Variants in CEP20 observed in about 807,000 individuals in gnomAD.
CEP20 encodes the protein centrosomal protein 20.
A neutral mutation model predicts 20.0 loss-of-function variants in CEP20; 18 were observed. The observed-to-expected ratio is 0.90, with a 90% CI of 0.62 to 1.34. The LOEUF is 1.34. CEP20 is among the 40% of genes most tolerant of loss of function. The pLI is 0.00. For synonymous variants in CEP20, 77 were observed against 73.7 expected (o/e 1.04, Z -0.23); for missense variants, 215 against 201.6 (o/e 1.07, Z -0.40).
intron 2 of CEP20, among the ~76,000 whole-genome samples, chr16:15,882,739 C>A (rs1296814747): frequency 3.3e-5 from 3 of 91,574 alleles, no homozygotes; most frequent in Admixed American, 1.0e-4. Flanking sequence ...TTATATCTAT[C>A]TATCTATCTA....
intron 4 of CEP20, among the ~76,000 whole-genome samples, chr16:15,871,372 T>C (rs35677202): frequency 0.2 from 29,702 of 150,726 alleles, 3,576 homozygotes; most frequent in East Asian, 0.4. Flanking sequence ...GGGAGAAGAA[T>C]TGAGGAGTTA....
chr16:15,873,642 A>C lies in CEP20; in HGVS notation c.312-15T>G. 6.3e-7 allele frequency: 1 copy of C among 1,594,032 alleles called. No individual in the cohort carries two copies. Among genetic ancestry groups the C allele is most frequent in the Non-Finnish European group, 8.5e-7 (1 of 1,169,822 alleles). On this transcript the variant is annotated splice_polypyrimidine_tract_variant and intron_variant, in intron 3 of 4. Transcript: ENST00000255759. ...ATAAAAGAGGTCTATAGCAGGAAGA[A>C]AACAAAACAAAACCAAAAGCTAATA...
chr16:15,867,378 C>A lies in CEP20; in HGVS notation c.*62G>T. The A allele has an allele frequency of 7.7e-7, 1 of 1,299,642 alleles. No individual in the cohort carries two copies. The highest frequency in any genetic ancestry group is 2.6e-5 in the East Asian group (1 of 38,584). 80.5% of individuals were successfully genotyped at this position (1,299,642 alleles called of 1,614,324 possible). On this transcript the variant is annotated 3_prime_UTR_variant, in exon 5 of 5. Transcript: ENST00000255759. Reference sequence around the variant, plus strand: ...GTGGTGCATTTTGGTAACATTGGGACAATAAATAAGTTATTTAATTAATAA... The same window carrying A: ...GTGGTGCATTTTGGTAACATTGGGAAAATAAATAAGTTATTTAATTAATAA...
At chr16:15,879,150 G>T (rs7184519) in intron 3 of CEP20, among the ~76,000 whole-genome samples, 10,476 of 152,058 alleles carry the variant, frequency 0.069, 480 homozygotes, top group East Asian at 0.22. Context: ...GTACACAGAG[G>T]GCAAAGGACA....
chr16:15,872,041 G>A (rs779365892), intron 4 of CEP20, among the ~76,000 whole-genome samples: 7 of 152,098 alleles, frequency 4.6e-5, no homozygotes, highest in South Asian at 4.1e-4. Flanking sequence ...TTGGTTGGGC[G>A]CGGTGGCTCA....
chr16:15,881,869 C>T (rs1276051097), intron 2 of CEP20, among the ~76,000 whole-genome samples: 1 of 152,062 alleles, frequency 6.6e-6, no homozygotes, highest in Non-Finnish European at 1.5e-5. Flanking sequence ...CTCCCCACCC[C>T]CAACCCCCAA....
chr16:15,882,306 C>T (rs2045117188), intron 2 of CEP20, among the ~76,000 whole-genome samples: 2 of 151,958 alleles, frequency 1.3e-5, no homozygotes, highest in South Asian at 4.1e-4. Context: ...TTTTGGGAGG[C>T]CGAGGAGGGC....
chr16:15,879,218 C>T (rs1045283298), intron 3 of CEP20, among the ~76,000 whole-genome samples: 1 of 152,032 alleles, frequency 6.6e-6, no homozygotes, highest in Non-Finnish European at 1.5e-5. Flanking sequence ...AAAAGGTATT[C>T]GAGCAGAAGC....
chr16:15,878,105 G>C (rs895964945), intron 3 of CEP20, among the ~76,000 whole-genome samples: 2 of 151,830 alleles, frequency 1.3e-5, no homozygotes, highest in East Asian at 1.9e-4. Context: ...GAGAGGAAGA[G>C]AAAGAGGAAA....
At chr16:15,887,857 G>A (rs889496519) in intron 1 of CEP20, among the ~76,000 whole-genome samples, 1 of 151,936 alleles carries the variant, frequency 6.6e-6, no homozygotes, top group Non-Finnish European at 1.5e-5. Flanking sequence ...ACTTTGAGGG[G>A]GCCAAGGCAG....
intron 1 of CEP20, among the ~76,000 whole-genome samples, chr16:15,886,748 C>T (rs2045256695): frequency 6.6e-6 from 1 of 152,200 alleles, no homozygotes; most frequent in Non-Finnish European, 1.5e-5. Flanking sequence ...AGGTAACTGG[C>T]TGGCAAACAA....
At chr16:15,875,053 C>T (rs1419621063) in intron 3 of CEP20, among the ~76,000 whole-genome samples, 1 of 152,174 alleles carries the variant, frequency 6.6e-6, no homozygotes. Flanking sequence ...CAAGGGGGAG[C>T]CTGAGCTAGA....
chr16:15,888,533 T>C (rs113574900), intron 1 of CEP20, 25 bp downstream of exon 1: 18 of 1,613,968 alleles, frequency 1.1e-5, no homozygotes, highest in Non-Finnish European at 1.4e-5. Context: ...GCTTCCCATG[T>C]GGAGGCCTCC....
intron 2 of CEP20, among the ~76,000 whole-genome samples, chr16:15,881,670 G>A (rs773185068): frequency 2.0e-5 from 3 of 151,382 alleles, no homozygotes; most frequent in Non-Finnish European, 4.4e-5. Flanking sequence ...ACCCCACCAA[G>A]TCCAGGGGTA....
chr16:15,878,777 G>C (rs1370968784), intron 3 of CEP20, among the ~76,000 whole-genome samples: 1 of 152,084 alleles, frequency 6.6e-6, no homozygotes, highest in Admixed American at 6.6e-5. Flanking sequence ...GGGACTACAG[G>C]CATGAGCCAC....
In CEP20 at chr16:15,873,603, G is replaced by A. The variant is rs1158136120; in HGVS notation, c.336C>T (p.Ala112=). 1.2e-6 allele frequency: 2 copies of A among 1,613,434 alleles called. No homozygotes were observed. The highest frequency in any genetic ancestry group is 1.7e-6 in the Non-Finnish European group (2 of 1,179,732). Reference sequence around the variant, plus strand: ...CATCCTTAGTTCCACGCAAGAAATGGGCTAAAATCCCATATAAAAGAGGTC... The same window carrying A: ...CATCCTTAGTTCCACGCAAGAAATGAGCTAAAATCCCATATAAAAGAGGTC... The part of the protein sequence containing the change: ...NTIPLLYGIL[A]HFLRGTKDGI... Residue 112 remains alanine (A), a synonymous_variant, in exon 4 of 5, where the codon GCC becomes GCT. Transcript: ENST00000255759.
At position 15,871,651 on chromosome 16, in the gene CEP20, G is replaced by A. The variant is rs934653937; in HGVS notation, c.448+1840C>T. 2.6e-5 allele frequency among the ~76,000 whole-genome samples: 4 copies of A among 152,282 alleles called. No homozygotes were observed. In the South Asian group the frequency reaches 8.3e-4, roughly 32 times the overall value. ...ATTATCTGCTACAGGTCTTAGTTGA[G>A]TTACTTAACCTCTTAGTATTGGAAC... On this transcript the variant is annotated intron_variant, in intron 4 of 4. Coordinates refer to ENST00000255759, the MANE Select transcript of CEP20 (RefSeq NM_144600.4).
At chr16:15,888,132 A>T (rs2045290697) in intron 1 of CEP20, among the ~76,000 whole-genome samples, 1 of 150,858 alleles carries the variant, frequency 6.6e-6, no homozygotes, top group Non-Finnish European at 1.5e-5. Context: ...TGTTGTAAGG[A>T]CCCAACGAGA....
chr16:15,874,854 T>A (rs1189606720), intron 3 of CEP20, among the ~76,000 whole-genome samples: 1 of 152,160 alleles, frequency 6.6e-6, no homozygotes, highest in Non-Finnish European at 1.5e-5. Flanking sequence ...GCTTCCTCCT[T>A]GCTTTCTCTC....
Sources: allele counts gnomAD v4.1 joint callset (sites outside exome capture counted in the v4.1 genomes callset), GRCh38; gene constraint gnomAD v4.1.1; transcripts MANE v1.5; gene names NCBI Gene and HGNC (gene_info 2026-07-23, HGNC 2026-07-21).